The following KDF1 variants were observed in gnomAD, a reference collection of about 807,000 sequenced individuals.
KDF1 encodes the protein RP11-344H11.3.
In KDF1, 11 loss-of-function variants were observed where a neutral mutation model predicts 31.6. The ratio of observed to expected loss-of-function variants is 0.35; its 90% CI spans 0.22 to 0.58. KDF1 has a LOEUF of 0.58. Ranked by LOEUF, KDF1 falls within the 20% of genes least tolerant of loss-of-function variation. The probability of loss-of-function intolerance (pLI) is 0.83; values close to 1 mark genes in which losing one functional copy is unlikely to be tolerated. For synonymous variants in KDF1, 205 were observed against 214.4 expected, an observed-to-expected ratio of 0.96 and a Z score of 0.38; for missense variants, 476 against 549.1, an observed-to-expected ratio of 0.87 and a Z score of 1.33.
At position 26,951,553 on chromosome 1, in the gene KDF1, C is replaced by A. The variant is rs376564837; in HGVS notation, c.828G>T (p.Ser276=). 1 of 1,612,774 alleles carries A rather than the reference C, an allele frequency of 6.2e-7. No individual in the cohort carries two copies. The highest frequency in any genetic ancestry group is 1.7e-5 in the Admixed American group (1 of 60,004). The change falls in exon 2 of 4, where the codon TCG becomes TCT. Residue 276 remains serine, a synonymous_variant. Coordinates refer to ENST00000320567, the MANE Select transcript of KDF1 (RefSeq NM_152365.3). This position sits in a 1 kb window ranked among gnomAD's most constrained non-coding sequence, Gnocchi z 5.4. ...CCTGCGTGATGCTGCTGATAAGGTCCGAGATCTTACTGGTCTTCTCCAGGA... is the reference window on the plus strand; with the variant it reads ...CCTGCGTGATGCTGCTGATAAGGTCAGAGATCTTACTGGTCTTCTCCAGGA... ...TVFLEKTSKI[S]DLISSITQDY...
chr1:26,950,842 A>T lies in KDF1; in HGVS notation c.1040-86T>A. 2 of 1,206,638 alleles carry T rather than the reference A, an allele frequency of 1.7e-6. No individual in the cohort carries two copies. The highest frequency in any genetic ancestry group is 1.5e-5 in the African/African-American group (1 of 66,944). The allele number at this position is 1,206,638 out of a possible 1,614,324, so 74.7% of individuals were successfully genotyped here. A position where few individuals can be genotyped will look rare whatever the true frequency, so the allele number is the denominator to read the frequency against. ...ACTTCTGTTCCCAGCCCGATGAGGG[A>T]GGAGCCACTCACTCCTGGGCAGGGC... On this transcript the variant is annotated intron_variant, in intron 2 of 3. Transcript: ENST00000320567. This position sits in a 1 kb window ranked among gnomAD's most constrained non-coding sequence, Gnocchi z 4.0.
In KDF1 at chr1:26,951,829, C is replaced by T. The variant is rs142040426; in HGVS notation, c.552G>A (p.Ala184=). The change falls in exon 2 of 4, where the codon GCG becomes GCA. Residue 184 remains alanine (A), a synonymous_variant. Coordinates refer to ENST00000320567, the MANE Select transcript of KDF1 (RefSeq NM_152365.3). The surrounding 1 kb of genome is among the most constrained non-coding windows in gnomAD (Gnocchi z 5.4). ...CCAGTGGCTCCTTGCAGCAGGAGTCCGCATCAGGGGCTGGGGAGGTGGCCC... is the reference window on the plus strand; with the variant it reads ...CCAGTGGCTCCTTGCAGCAGGAGTCTGCATCAGGGGCTGGGGAGGTGGCCC... ...YPRATSPAPD[A]DSCCKEPLAD... 34 of 1,614,018 alleles carry T rather than the reference C, an allele frequency of 2.1e-5. No individual in the cohort carries two copies. The highest frequency in any genetic ancestry group is 2.0e-4 in the African/African-American group (15 of 75,022).
chr1:26,951,520 G>A lies in KDF1; in HGVS notation c.861C>T (p.His287=). Residue 287 remains histidine, a synonymous_variant, in exon 2 of 4, where the codon CAC becomes CAT. Transcript: ENST00000320567. This position sits in a 1 kb window ranked among gnomAD's most constrained non-coding sequence, Gnocchi z 5.4. ...DLISSITQDY[H]LDEQDAEGRL... is the part of the protein sequence containing the mutation. ...GGCCCTCAGCATCCTGCTCATCCAG[G>A]TGGTAGTCCTGCGTGATGCTGCTGA... 6.2e-7 allele frequency: 1 copy of A among 1,613,022 alleles called. No individual in the cohort carries two copies. Among genetic ancestry groups the A allele is most frequent in the Non-Finnish European group, 8.5e-7 (1 of 1,179,090 alleles).
At chr1:26,958,292 G>A (rs1487251909) in intron 1 of KDF1, among the ~76,000 whole-genome samples, 3 of 151,240 alleles carry the variant, frequency 2.0e-5, no homozygotes, top group Non-Finnish European at 2.9e-5. Flanking sequence ...CGCGTGCCAC[G>A]CCTGGCTAAT....
At chr1:26,959,129 T>C (rs2082389774) in intron 1 of KDF1, among the ~76,000 whole-genome samples, 1 of 152,188 alleles carries the variant, frequency 6.6e-6, no homozygotes, top group Non-Finnish European at 1.5e-5. Context: ...AAGAGAGGGC[T>C]GGAGTAAGAT....
At chr1:26,958,053 G>C (rs1381240896) in intron 1 of KDF1, among the ~76,000 whole-genome samples, 1 of 151,262 alleles carries the variant, frequency 6.6e-6, no homozygotes, top group Non-Finnish European at 1.5e-5. Context: ...CTGACCTCAA[G>C]TATCCACCTG....
intron 1 of KDF1, among the ~76,000 whole-genome samples, chr1:26,956,583 T>C (rs1047948314): frequency 6.6e-6 from 1 of 152,114 alleles, no homozygotes; most frequent in East Asian, 1.9e-4. Flanking sequence ...CAAGCCCAAG[T>C]TGAGAAACAT....
intron 1 of KDF1, among the ~76,000 whole-genome samples, chr1:26,953,207 G>A (rs148139440): frequency 7.2e-4 from 110 of 152,212 alleles, no homozygotes; most frequent in African/African-American, 2.6e-3. Context: ...TTTTGGATTA[G>A]GGATACTCAA....
Position 26,951,619 on chromosome 1 carries a change from G to T in KDF1, c.762C>A (p.His254Gln). 6.2e-7 allele frequency: 1 copy of T among 1,613,902 alleles called. No individual in the cohort carries two copies. Among genetic ancestry groups the T allele is most frequent in the Non-Finnish European group, 8.5e-7 (1 of 1,180,016 alleles). The change falls in exon 2 of 4, where the codon CAC becomes CAA. Residue 254 changes from histidine to glutamine, a missense_variant. This residue lies in a region of KDF1 where 146 missense variants were observed against 216.8 expected (regional missense o/e 0.67). Coordinates refer to ENST00000320567, the MANE Select transcript of KDF1 (RefSeq NM_152365.3). The surrounding 1 kb of genome is among the most constrained non-coding windows in gnomAD (Gnocchi z 5.4). ...TGCACTTGGCCAGCTCATCGATCTG[G>T]TGTACGCTGAACAGCTCTGTCAGCT... ...FKKLTELFSV[H>Q]QIDELAKCTS...
intron 1 of KDF1, among the ~76,000 whole-genome samples, chr1:26,956,399 G>A (rs2082377552): frequency 6.6e-6 from 1 of 152,140 alleles, no homozygotes; most frequent in African/African-American, 2.4e-5. Context: ...ACTTTAAAAT[G>A]TTTAGAGGAA....
intron 1 of KDF1, among the ~76,000 whole-genome samples, chr1:26,956,569 T>C (rs1432799675): frequency 3.3e-5 from 5 of 152,194 alleles, no homozygotes; most frequent in Non-Finnish European, 7.4e-5. Flanking sequence ...GAGGAAATAA[T>C]AGACAAGCCC....
intron 1 of KDF1, among the ~76,000 whole-genome samples, chr1:26,954,781 C>T (rs1237830175): frequency 2.8e-5 from 4 of 143,966 alleles, no homozygotes; most frequent in Admixed American, 2.7e-4. Flanking sequence ...TGAAGTGAGC[C>T]GAGATGGCGC....
chr1:26,955,710 A>G (rs1275062326), intron 1 of KDF1, among the ~76,000 whole-genome samples: 1 of 152,196 alleles, frequency 6.6e-6, no homozygotes, highest in Non-Finnish European at 1.5e-5. Context: ...TAATCCCAGC[A>G]CTTTGGGAGG....
chr1:26,952,435 G>A lies in KDF1; in HGVS notation c.-32-23C>T. 2.1e-6 allele frequency: 3 copies of A among 1,453,666 alleles called. No homozygotes were observed. The highest frequency in any genetic ancestry group is 2.3e-5 in the Admixed American group (1 of 43,340). The allele number at this position is 1,453,666 out of a possible 1,614,324, so 90.0% of individuals were successfully genotyped here. A position where few individuals can be genotyped will look rare whatever the true frequency, so the allele number is the denominator to read the frequency against. ...CACCTGCGTGGGGAGAGGCCAGGAAGGAGTCAGGATCAGAGGTGAGGGACA... is the reference window on the plus strand; with the variant it reads ...CACCTGCGTGGGGAGAGGCCAGGAAAGAGTCAGGATCAGAGGTGAGGGACA... On this transcript the variant is annotated intron_variant, in intron 1 of 3. Transcript: ENST00000320567. The surrounding 1 kb of genome is among the most constrained non-coding windows in gnomAD (Gnocchi z 4.1).
chr1:26,954,318 G>C (rs1184139021), intron 1 of KDF1, among the ~76,000 whole-genome samples: 1 of 151,574 alleles, frequency 6.6e-6, no homozygotes, highest in Non-Finnish European at 1.5e-5. Context: ...CTGCCTCCTG[G>C]GTTCAAGTGA....
chr1:26,958,817 G>A (rs924559953), intron 1 of KDF1, among the ~76,000 whole-genome samples: 2 of 152,216 alleles, frequency 1.3e-5, no homozygotes, highest in African/African-American at 2.4e-5. Flanking sequence ...GCCTTCAGGA[G>A]AGTGGACAGA....
chr1:26,959,033 T>C (rs1456791266), intron 1 of KDF1, among the ~76,000 whole-genome samples: 2 of 152,178 alleles, frequency 1.3e-5, no homozygotes, highest in African/African-American at 4.8e-5. Flanking sequence ...TCACAATTGC[T>C]CTGAAAATAA....
rs2082348240 is a variant in KDF1, at chr1:26,951,465, T to C, written c.916A>G (p.Thr306Ala). The change falls in exon 2 of 4, where the codon ACC becomes GCC. Residue 306 changes from threonine (T) to alanine (A), a missense_variant. Coordinates refer to ENST00000320567, the MANE Select transcript of KDF1 (RefSeq NM_152365.3). The surrounding 1 kb of genome is among the most constrained non-coding windows in gnomAD (Gnocchi z 5.4). ...TGTGGGCGAGCACGGCTCTTTCGGGTACTAATGCGAATGATGCCGCGTACC... is the reference window on the plus strand; with the variant it reads ...TGTGGGCGAGCACGGCTCTTTCGGGCACTAATGCGAATGATGCCGCGTACC... ...RLVRGIIRISTRKSRARPQTS... is the reference protein window; with the variant it reads ...RLVRGIIRISARKSRARPQTS... 2 of 1,613,722 alleles carry C rather than the reference T, an allele frequency of 1.2e-6. No homozygotes were observed. Among genetic ancestry groups the C allele is most frequent in the Non-Finnish European group, 8.5e-7 (1 of 1,179,886 alleles).
At position 26,951,942 on chromosome 1, in the gene KDF1, C is replaced by A; in HGVS notation, c.439G>T (p.Asp147Tyr). 1 of 1,604,702 alleles carries A rather than the reference C, an allele frequency of 6.2e-7. No individual in the cohort carries two copies. The highest frequency in any genetic ancestry group is 8.5e-7 in the Non-Finnish European group (1 of 1,173,756). ...SPDRAPPSRR[D>Y]GQRLKSTMGS... ...ATGGTTGACTTGAGCCGCTGGCCAT[C>A]CCGCCGGCTGGGGGGTGCACGATCA... The change falls in exon 2 of 4, where the codon GAT becomes TAT. Residue 147 changes from aspartate to tyrosine, a missense_variant. This residue lies in a region of KDF1 where 330 missense variants were observed against 332.3 expected (regional missense o/e 0.99). Coordinates refer to ENST00000320567, the MANE Select transcript of KDF1 (RefSeq NM_152365.3). The surrounding 1 kb of genome is among the most constrained non-coding windows in gnomAD (Gnocchi z 5.4).
Sources: allele counts gnomAD v4.1 joint callset (sites outside exome capture counted in the v4.1 genomes callset), GRCh38; gene constraint gnomAD v4.1.1; regional missense constraint gnomAD v4.1.1; non-coding constraint Gnocchi (gnomAD v3.1); transcripts MANE v1.5; gene names NCBI Gene and HGNC (gene_info 2026-07-23, HGNC 2026-07-21).